Variants in TIMM44 observed in about 807,000 individuals in gnomAD.
The protein encoded by TIMM44 is mitochondrial import inner membrane translocase subunit TIM44.
A neutral mutation model predicts 63.8 loss-of-function variants in TIMM44; 37 were observed. The ratio of observed to expected loss-of-function variants is 0.58; its 90% CI spans 0.45 to 0.76. The LOEUF is 0.76. TIMM44 is among the 30% of genes least tolerant of loss of function. The pLI is 0.00. For missense variants in TIMM44, 573 were observed against 603.8 expected (o/e 0.95, Z 0.54); for synonymous variants, 239 against 245.1 (o/e 0.98, Z 0.23).
At chr19:7,940,657 C>A (rs1984284748) in intron 2 of TIMM44, among the ~76,000 whole-genome samples, 3 of 152,068 alleles carry the variant, frequency 2.0e-5, no homozygotes, top group African/African-American at 7.2e-5. Context: ...GATGCTGAGA[C>A]ACCAACAGAA....
chr19:7,940,013 A>G (rs1310509901), intron 2 of TIMM44, among the ~76,000 whole-genome samples: 1 of 152,156 alleles, frequency 6.6e-6, no homozygotes, highest in African/African-American at 2.4e-5. Context: ...TGTTGGGTAT[A>G]CCAGCTCCAG....
intron 9 of TIMM44, chr19:7,932,250 C>T (rs558524165): frequency 3.7e-5 from 11 of 293,850 alleles, no homozygotes; most frequent in South Asian, 2.2e-4. Flanking sequence ...CTGGGTCAGA[C>T]GTGGCCTGGG....
At chr19:7,929,708 GGA>G (rs528425811) in intron 10 of TIMM44, among the ~76,000 whole-genome samples, 187 of 151,854 alleles carry the variant, frequency 1.2e-3, no homozygotes, top group African/African-American at 4.3e-3. Flanking sequence ...CAGTCATGTG[GGA>G]GACCCACACT....
intron 10 of TIMM44, 110 bp downstream of exon 10, chr19:7,931,028 C>T: frequency 1.0e-6 from 1 of 971,376 alleles, no homozygotes; most frequent in Non-Finnish European, 1.6e-6. Context: ...ACCGGGAGCC[C>T]AGGTCCTGCC....
In TIMM44 at chr19:7,927,274, C is replaced by T. The variant is rs138385134; in HGVS notation, c.1272G>A (p.Ala424=). 6.1e-4 allele frequency: 984 copies of T among 1,611,880 alleles called. 1 individual carries two copies. The highest frequency in any genetic ancestry group is 7.3e-4 in the Non-Finnish European group (862 of 1,179,958). The stretch of plus-strand genomic sequence containing the variant: ...TGAGCTCGTCCTGGTCTCGGCAGAG[C>T]GCCCACACGTACAGCATCCGCAGCA... ...DKVLRMLYVW[A]LCRDQDELNP... The change falls in exon 13 of 13, where the codon GCG becomes GCA. Residue 424 remains alanine (A), a synonymous_variant. Transcript: ENST00000270538.
chr19:7,929,287 AC>A (rs1400787703), intron 10 of TIMM44, among the ~76,000 whole-genome samples: 1 of 152,112 alleles, frequency 6.6e-6, no homozygotes, highest in Non-Finnish European at 1.5e-5. Context: ...TGGCCCCCGA[AC>A]CCCAAGCTTT....
At position 7,927,353 on chromosome 19, in the gene TIMM44, C is replaced by A. The variant is rs200832951; in HGVS notation, c.1240-47G>T. 6.9e-6 allele frequency: 11 copies of A among 1,596,038 alleles called. No homozygotes were observed. The East Asian group carries it at 2.2e-4, about 32-fold the overall frequency. The stretch of plus-strand genomic sequence containing the variant: ...GCACTGTTGAGAGGGTTGAGGTGAC[C>A]CAGGCAGCTCTGGGGGGGGGCCAGG... On this transcript the variant is annotated intron_variant, in intron 12 of 12. Coordinates refer to ENST00000270538, the MANE Select transcript of TIMM44 (RefSeq NM_006351.4).
In TIMM44 at chr19:7,932,093, AG is replaced by A. The variant is rs530635404; in HGVS notation, c.987+533del. ...GGGGCTGCAGAGAGGCAGAGGCAGC[AG>A]GGAAGACAAGAGGCCACCAACCTCA... On this transcript the variant is annotated intron_variant, in intron 9 of 12. Coordinates refer to ENST00000270538, the MANE Select transcript of TIMM44 (RefSeq NM_006351.4). Among the ~76,000 whole-genome samples, 300 of 152,354 alleles carry A rather than the reference AG, an allele frequency of 2.0e-3. 1 individual carries two copies. The highest frequency in any genetic ancestry group is 6.9e-3 in the African/African-American group (288 of 41,584).
In TIMM44 at chr19:7,943,304, C is replaced by A. The variant is rs1984361539; in HGVS notation, c.45+303G>T. Among the ~76,000 whole-genome samples, 1 of 152,124 alleles carries A rather than the reference C, an allele frequency of 6.6e-6. No homozygotes were observed. The highest frequency in any genetic ancestry group is 1.5e-5 in the Non-Finnish European group (1 of 68,014). ...TTCCCCTCTACTTTTTTCCACGGGACGCCGCCGCCCCGGCTACCATTCTCT... is the reference window on the plus strand; with the variant it reads ...TTCCCCTCTACTTTTTTCCACGGGAAGCCGCCGCCCCGGCTACCATTCTCT... On this transcript the variant is annotated intron_variant, in intron 1 of 12. Coordinates refer to ENST00000270538, the MANE Select transcript of TIMM44 (RefSeq NM_006351.4). This position sits in a 1 kb window ranked among gnomAD's most constrained non-coding sequence, Gnocchi z 4.3.
At position 7,934,316 on chromosome 19, in the gene TIMM44, T is replaced by C. The variant is rs949958072; in HGVS notation, c.394-78A>G. On this transcript the variant is annotated intron_variant, in intron 4 of 12. Transcript: ENST00000270538. The surrounding 1 kb of genome is among the most constrained non-coding windows in gnomAD (Gnocchi z 5.3). ...GGGCGGGGCAGGAGGAATGAATTCC[T>C]GCCGGAGAGAAGGGCGGATCTGGTT... is the stretch of plus-strand genomic sequence containing the variant. 1.3e-6 allele frequency: 2 copies of C among 1,577,570 alleles called. No individual in the cohort carries two copies. Among genetic ancestry groups the C allele is most frequent in the Non-Finnish European group, 1.7e-6 (2 of 1,159,734 alleles).
intron 9 of TIMM44, 107 bp downstream of exon 9, chr19:7,932,520 C>G: frequency 6.6e-7 from 1 of 1,510,524 alleles, no homozygotes; most frequent in South Asian, 1.2e-5. Context: ...AGAAAACAGC[C>G]TCGGCAGCAG....
rs1011803658 is a variant in TIMM44, at chr19:7,935,088, C to T, written c.370G>A (p.Glu124Lys). The T allele has an allele frequency of 6.2e-6, 10 of 1,613,790 alleles. No individual in the cohort carries two copies. The African/African-American group carries it at 1.2e-4, about 19-fold the overall frequency. The part of the protein sequence containing the change: ...TSEVLRKKLG[E>K]LTGTVKESLH... ...ACCTCCTTCACGGTGCCCGTCAGCT[C>T]CCCAAGCTTCTTCCGTAGCACCTCG... The change falls in exon 4 of 13, where the codon GAG becomes AAG. Residue 124 changes from glutamate to lysine, a missense_variant. By Grantham distance (56) the Glu-to-Lys change is moderately conservative (BLOSUM62 1). Transcript: ENST00000270538.
chr19:7,929,697 C>G (rs893144101), intron 10 of TIMM44, among the ~76,000 whole-genome samples: 1 of 151,662 alleles, frequency 6.6e-6, no homozygotes, highest in Admixed American at 6.6e-5. Context: ...CAGCCCCCCC[C>G]CAGTCATGTG....
intron 3 of TIMM44, among the ~76,000 whole-genome samples, chr19:7,936,470 A>G (rs2145178551): frequency 6.6e-6 from 1 of 152,282 alleles, no homozygotes; most frequent in African/African-American, 2.4e-5. Context: ...AAAACAAAAA[A>G]CGAACAAACA....
intron 10 of TIMM44, 125 bp downstream of exon 10, chr19:7,931,013 C>A: frequency 1.2e-6 from 1 of 808,304 alleles, no homozygotes; most frequent in Non-Finnish European, 2.0e-6. Flanking sequence ...CGTGAGGATT[C>A]CCCCACCGGG....
At chr19:7,940,043 C>T (rs1984262401) in intron 2 of TIMM44, among the ~76,000 whole-genome samples, 1 of 152,150 alleles carries the variant, frequency 6.6e-6, no homozygotes, top group Non-Finnish European at 1.5e-5. Context: ...CCCTCCCTGG[C>T]TCCTGTCAAG....
intron 7 of TIMM44, 64 bp from the exon 8 acceptor site, chr19:7,932,996 G>A (rs1204941359): frequency 7.6e-7 from 1 of 1,314,388 alleles, no homozygotes; most frequent in African/African-American, 1.4e-5. Flanking sequence ...CTCCCTCACA[G>A]CTTCTAGAGG....
intron 9 of TIMM44, 155 bp from the exon 10 acceptor site, chr19:7,931,343 G>A (rs34574397): frequency 0.077 from 56,988 of 736,332 alleles, 2,860 homozygotes; most frequent in African/African-American, 0.2. Context: ...GTGGCACTGG[G>A]TGTCCCCCCC....
At chr19:7,932,230 G>A (rs147272410) in intron 9 of TIMM44, 7 of 251,072 alleles carry the variant, frequency 2.8e-5, no homozygotes, top group East Asian at 2.1e-4. Context: ...GGAACCTCAC[G>A]GCTGCAGCTC....
Sources: gnomAD v4.1 joint callset for allele counts (sites outside exome capture counted in the v4.1 genomes callset) on GRCh38, gnomAD v4.1.1 for gene constraint, Gnocchi (gnomAD v3.1) non-coding constraint, MANE v1.5 for transcripts, NCBI Gene and HGNC (gene_info 2026-07-23, HGNC 2026-07-21) for gene names.